The following RAD18 variants were observed in gnomAD, a reference collection of about 807,000 sequenced individuals.
RAD18 encodes RAD18 E3 ubiquitin protein ligase, also known as E3 ubiquitin-protein ligase RAD18.
RAD18 carries 47 observed loss-of-function variants against 60.4 expected under a neutral mutation model. That is an observed-to-expected ratio of 0.78 (90% CI 0.62 to 0.99). RAD18 has a LOEUF of 0.99. RAD18 is among the 50% of genes least tolerant of loss of function. The pLI is 0.00. For missense variants in RAD18, 640 were observed against 593.3 expected (o/e 1.08, Z -0.82); for synonymous variants, 225 against 195.5 (o/e 1.15, Z -1.26).
At chr3:8,920,547 G>A (rs184337228) in intron 7 of RAD18, among the ~76,000 whole-genome samples, 142 of 152,266 alleles carry the variant, frequency 9.3e-4, no homozygotes, top group South Asian at 1.5e-3. Context: ...GCAAGGCAGC[G>A]GATGTAAAGT....
At chr3:8,907,397 A>T (rs750596773) in intron 9 of RAD18, among the ~76,000 whole-genome samples, 8 of 152,220 alleles carry the variant, frequency 5.3e-5, no homozygotes, top group Non-Finnish European at 1.0e-4. Context: ...ACCCACATAA[A>T]CAAAGGCTCT....
chr3:8,887,240 T>G (rs918560247), intron 12 of RAD18, among the ~76,000 whole-genome samples: 10 of 152,232 alleles, frequency 6.6e-5, no homozygotes, highest in Admixed American at 6.5e-4. Context: ...CAGGTGATTT[T>G]AAGTCTGTGA....
intron 9 of RAD18, among the ~76,000 whole-genome samples, chr3:8,904,312 G>A (rs1485059949): frequency 1.3e-5 from 2 of 151,972 alleles, no homozygotes; most frequent in African/African-American, 4.8e-5. Context: ...ATCTTTTAAC[G>A]CAAAAAGAGA....
intron 7 of RAD18, among the ~76,000 whole-genome samples, chr3:8,934,159 C>A (rs1940611063): frequency 6.6e-6 from 1 of 152,112 alleles, no homozygotes; most frequent in South Asian, 2.1e-4. Context: ...ATAAACCGTA[C>A]ATCAAAATTT....
intron 1 of RAD18, among the ~76,000 whole-genome samples, chr3:8,962,306 C>T (rs1941104178): frequency 6.6e-6 from 1 of 152,232 alleles, no homozygotes; most frequent in South Asian, 2.1e-4. Flanking sequence ...TTCTCCACTG[C>T]ATCCTGGTGC....
intron 10 of RAD18, among the ~76,000 whole-genome samples, chr3:8,900,690 A>G (rs1476581697): frequency 6.6e-6 from 1 of 152,210 alleles, no homozygotes; most frequent in Admixed American, 6.5e-5. Context: ...TTGTTCACTT[A>G]CATGAGCACT....
chr3:8,920,481 T>C (rs889780816), intron 7 of RAD18, among the ~76,000 whole-genome samples: 2 of 152,128 alleles, frequency 1.3e-5, no homozygotes, highest in Non-Finnish European at 2.9e-5. Context: ...GAAATCTTAA[T>C]GAGGTATAGA....
At chr3:8,928,390 A>T (rs987327127) in intron 7 of RAD18, among the ~76,000 whole-genome samples, 1 of 152,180 alleles carries the variant, frequency 6.6e-6, no homozygotes, top group African/African-American at 2.4e-5. Flanking sequence ...AGCTTGTCAA[A>T]TTAAATTATA....
intron 6 of RAD18, among the ~76,000 whole-genome samples, chr3:8,938,910 TAAC>T (rs1386415861): frequency 6.6e-6 from 1 of 152,142 alleles, no homozygotes; most frequent in Non-Finnish European, 1.5e-5. Context: ...CTTATATGTG[TAAC>T]AATAGTGGAC....
intron 9 of RAD18, 81 bp from the exon 10 acceptor site, chr3:8,902,601 G>A: frequency 7.3e-7 from 1 of 1,364,312 alleles, no homozygotes; most frequent in South Asian, 1.5e-5. Context: ...ATATCAAGAG[G>A]TGTACAAGGG....
intron 2 of RAD18, among the ~76,000 whole-genome samples, chr3:8,958,277 T>A (rs974176628): frequency 6.6e-6 from 1 of 152,174 alleles, no homozygotes; most frequent in Non-Finnish European, 1.5e-5. Context: ...AACTTGAAAA[T>A]AGAGGACAAG....
intron 7 of RAD18, among the ~76,000 whole-genome samples, chr3:8,928,276 A>G (rs1285603081): frequency 1.3e-5 from 2 of 152,164 alleles, no homozygotes; most frequent in Non-Finnish European, 2.9e-5. Context: ...TGAAGAAAAA[A>G]CAAAAGAATG....
intron 6 of RAD18, among the ~76,000 whole-genome samples, chr3:8,939,036 G>C (rs1940700487): frequency 6.6e-6 from 1 of 151,966 alleles, no homozygotes; most frequent in Non-Finnish European, 1.5e-5. Flanking sequence ...GAGGATGGGG[G>C]GGTGGTGTGG....
At chr3:8,915,805 G>A (rs1940190298) in intron 7 of RAD18, among the ~76,000 whole-genome samples, 1 of 151,954 alleles carries the variant, frequency 6.6e-6, no homozygotes, top group African/African-American at 2.4e-5. Flanking sequence ...GGATGGTCTC[G>A]ATCTCCTGAC....
intron 11 of RAD18, among the ~76,000 whole-genome samples, chr3:8,898,646 C>T (rs898082602): frequency 2.6e-5 from 4 of 152,024 alleles, no homozygotes; most frequent in Admixed American, 1.3e-4. Context: ...TCTTTTCCAA[C>T]GGTAGGAAAA....
rs11709897 is a variant in RAD18 at position 8,892,372 on chromosome 3, T to C, written c.1323-1921A>G. Among the ~76,000 whole-genome samples, 175 of 152,262 alleles carry C rather than the reference T, an allele frequency of 1.1e-3. 1 individual carries two copies. Among genetic ancestry groups the C allele is most frequent in the Middle Eastern group, 0.01 (3 of 294 alleles). ...ATGTCCCTACTGGTCCAGGCTACAG[T>C]GGATATTAATATATAGATTACACGT... On this transcript the variant is annotated intron_variant, in intron 11 of 12. Coordinates refer to ENST00000264926, the MANE Select transcript of RAD18 (RefSeq NM_020165.4).
chr3:8,917,984 G>T (rs9682093), intron 7 of RAD18, among the ~76,000 whole-genome samples: 4 of 152,124 alleles, frequency 2.6e-5, no homozygotes, highest in Non-Finnish European at 4.4e-5. Context: ...AATATGAGGC[G>T]CAATAGGCTC....
chr3:8,929,559 C>T (rs1010825798), intron 7 of RAD18, among the ~76,000 whole-genome samples: 4 of 152,054 alleles, frequency 2.6e-5, no homozygotes, highest in Non-Finnish European at 4.4e-5. Context: ...AAAAATTAAT[C>T]ACTGTAATGT....
At chr3:8,909,170 A>G (rs1457262626) in intron 9 of RAD18, among the ~76,000 whole-genome samples, 1 of 152,190 alleles carries the variant, frequency 6.6e-6, no homozygotes. Flanking sequence ...GTAAAAGATA[A>G]CCAGAGTGAT....
Sources: gnomAD v4.1 joint callset for allele counts (sites outside exome capture counted in the v4.1 genomes callset) on GRCh38, gnomAD v4.1.1 for gene constraint, MANE v1.5 for transcripts, NCBI Gene and HGNC (gene_info 2026-07-23, HGNC 2026-07-21) for gene names.